The following SYNE3 variants were observed in gnomAD, a reference collection of about 807,000 sequenced individuals.
SYNE3 encodes nesprin-3.
SYNE3 carries 100 observed loss-of-function variants against 111.2 expected under a neutral mutation model. The observed-to-expected ratio is 0.90, with a 90% CI of 0.77 to 1.06. The LOEUF (loss-of-function observed/expected upper bound fraction) is 1.06, where lower values mean the gene tolerates loss of function less well. Ranked by LOEUF, SYNE3 falls within the 50% of genes least tolerant of loss-of-function variation. The pLI, the probability that SYNE3 is intolerant of heterozygous loss-of-function variation, is 0.00. For synonymous variants in SYNE3, 547 were observed against 533.9 expected, an observed-to-expected ratio of 1.02 and a Z score of -0.34; for missense variants, 1,160 against 1,240.3, an observed-to-expected ratio of 0.94 and a Z score of 0.97.
rs529013632 is a variant in SYNE3, at chr14:95,408,987, G to A, written c.*8839C>T. 1 of 369,558 alleles carries A rather than the reference G, an allele frequency of 2.7e-6. No homozygotes were observed. Among genetic ancestry groups the A allele is most frequent in the Admixed American group, 3.3e-5 (1 of 30,144 alleles). The allele number at this position is 369,558 out of a possible 1,614,324, so 22.9% of individuals were successfully genotyped here. ...GTGTTGCCAGCTCCCTTCAGCGGTGGGAGTCAACGGACTTCCCCGCAGGAG... is the reference window on the plus strand; with the variant it reads ...GTGTTGCCAGCTCCCTTCAGCGGTGAGAGTCAACGGACTTCCCCGCAGGAG... On this transcript the variant is annotated 3_prime_UTR_variant, in exon 18 of 18. Transcript: ENST00000682763.
intron 1 of SYNE3, among the ~76,000 whole-genome samples, chr14:95,503,036 T>C (rs17092596): frequency 0.027 from 4,178 of 152,286 alleles, 197 homozygotes; most frequent in African/African-American, 0.095. Context: ...GATGAAGAGT[T>C]ACAAGAGCCC....
chr14:95,462,479 A>T (rs867113146), intron 4 of SYNE3, among the ~76,000 whole-genome samples: 1 of 152,208 alleles, frequency 6.6e-6, no homozygotes, highest in Non-Finnish European at 1.5e-5. Flanking sequence ...ATCAGCATTG[A>T]CCAGCCATCT....
At chr14:95,421,912 C>G (rs1317958563) in intron 17 of SYNE3, among the ~76,000 whole-genome samples, 1 of 152,222 alleles carries the variant, frequency 6.6e-6, no homozygotes, top group Non-Finnish European at 1.5e-5. Context: ...TGACTGATCA[C>G]TCTAATCTCA....
rs182103076 is a variant in SYNE3, at chr14:95,447,414, G to A, written c.1450-1323C>T. 2.1e-3 allele frequency among the ~76,000 whole-genome samples: 314 copies of A among 152,300 alleles called. 3 individuals carry two copies. The highest frequency in any genetic ancestry group is 7.1e-3 in the African/African-American group (296 of 41,558). On this transcript the variant is annotated intron_variant, in intron 8 of 17. Transcript: ENST00000682763. ...GCCTCCCAAAGTGCTGGGATTACAG[G>A]CGTGAGCCACCGTGCCCAGCCAAGA...
chr14:95,425,866 C>T (rs1315831680), intron 17 of SYNE3, among the ~76,000 whole-genome samples: 2 of 152,186 alleles, frequency 1.3e-5, no homozygotes, highest in Admixed American at 6.5e-5. Flanking sequence ...TGAGTGTTAT[C>T]AACACTGACC....
At chr14:95,438,277 G>T (rs1886210773) in intron 14 of SYNE3, 1 of 152,170 alleles carries the variant, frequency 6.6e-6, no homozygotes, top group Non-Finnish European at 1.5e-5. Flanking sequence ...ATGGGGTCTT[G>T]CTATCTTGCC....
rs1386484561 is a variant in SYNE3 at position 95,408,906 on chromosome 14, G to A, written c.*8920C>T. ...GGGCTGGCCTGTCCGTGCTTTTCCA[G>A]TGGGAAGGTAGACAGACAGTGGGTA... On this transcript the variant is annotated 3_prime_UTR_variant, in exon 18 of 18. Coordinates refer to ENST00000682763, the MANE Select transcript of SYNE3 (RefSeq NM_152592.6). 2.9e-6 allele frequency: 1 copy of A among 349,202 alleles called. No homozygotes were observed. Among genetic ancestry groups the A allele is most frequent in the East Asian group, 7.6e-5 (1 of 13,188 alleles). The allele number at this position is 349,202 out of a possible 1,614,324, so 21.6% of individuals were successfully genotyped here.
At chr14:95,463,973 G>T (rs1402031790) in intron 4 of SYNE3, among the ~76,000 whole-genome samples, 1 of 152,236 alleles carries the variant, frequency 6.6e-6, no homozygotes, top group East Asian at 1.9e-4. Context: ...CAACCTGGGT[G>T]CAGGTCAGGT....
At chr14:95,483,403 CCA>C (rs1203293212) in intron 1 of SYNE3, among the ~76,000 whole-genome samples, 1 of 152,162 alleles carries the variant, frequency 6.6e-6, no homozygotes, top group African/African-American at 2.4e-5. Flanking sequence ...TCCTGCCCTG[CCA>C]CACACATTCC....
chr14:95,500,490 G>A lies in SYNE3; in HGVS notation c.-15+16106C>T, dbSNP rs112147636. Among the ~76,000 whole-genome samples, 961 of 152,358 alleles carry A rather than the reference G, an allele frequency of 6.3e-3. 14 individuals carry two copies. The highest frequency in any genetic ancestry group is 0.022 in the African/African-American group (912 of 41,584). ...ACCAGCGGCCGCCCACAGCCAGGCA[G>A]CAGGGAGAAGCTGCCCTCTGGGACT... On this transcript the variant is annotated intron_variant, in intron 1 of 17. Transcript: ENST00000682763. This position sits in a 1 kb window ranked among gnomAD's most constrained non-coding sequence, Gnocchi z 4.7.
At chr14:95,423,028 G>C (rs549498558) in intron 17 of SYNE3, among the ~76,000 whole-genome samples, 2 of 152,318 alleles carry the variant, frequency 1.3e-5, no homozygotes, top group East Asian at 3.9e-4. Context: ...TTCGCTCCCC[G>C]TAAGAACTCA....
At chr14:95,438,724 C>T (rs534808452) in intron 14 of SYNE3, 4 of 269,406 alleles carry the variant, frequency 1.5e-5, no homozygotes, top group Admixed American at 4.6e-5. Context: ...CTTTCAGCCC[C>T]GACACTCTCT....
At chr14:95,448,814 G>A (rs911141264) in intron 8 of SYNE3, among the ~76,000 whole-genome samples, 6 of 152,218 alleles carry the variant, frequency 3.9e-5, no homozygotes, top group African/African-American at 1.4e-4. Flanking sequence ...GGGTGAGCAG[G>A]GGCCAACCCT....
At chr14:95,427,284 C>T (rs1222174410) in intron 17 of SYNE3, among the ~76,000 whole-genome samples, 2 of 152,124 alleles carry the variant, frequency 1.3e-5, no homozygotes, top group Non-Finnish European at 1.5e-5. Flanking sequence ...AGGGGAAACA[C>T]CCGCCACTTA....
intron 1 of SYNE3, among the ~76,000 whole-genome samples, chr14:95,513,241 C>T (rs952010273): frequency 1.3e-5 from 2 of 152,036 alleles, no homozygotes; most frequent in African/African-American, 4.8e-5. Flanking sequence ...TGCTTTTTGT[C>T]GTCATTTTAC....
chr14:95,492,885 A>G (rs921053722), intron 1 of SYNE3, among the ~76,000 whole-genome samples: 2 of 152,198 alleles, frequency 1.3e-5, no homozygotes, highest in Non-Finnish European at 2.9e-5. Flanking sequence ...TACACTTTAA[A>G]TGGGTGAATT....
intron 1 of SYNE3, among the ~76,000 whole-genome samples, chr14:95,515,357 G>T (rs1346282055): frequency 4.6e-5 from 7 of 152,212 alleles, no homozygotes; most frequent in Non-Finnish European, 1.0e-4. Context: ...CAGCTCGTTG[G>T]CACTGATATG....
At chr14:95,453,238 G>T (rs559557832) in intron 6 of SYNE3, among the ~76,000 whole-genome samples, 1 of 152,260 alleles carries the variant, frequency 6.6e-6, no homozygotes, top group Admixed American at 6.5e-5. Context: ...TACAGAGCAG[G>T]GATGCATTAG....
intron 4 of SYNE3, 86 bp downstream of exon 4, chr14:95,465,845 T>C (rs1371186570): frequency 1.4e-6 from 2 of 1,396,152 alleles, no homozygotes; most frequent in African/African-American, 2.9e-5. Flanking sequence ...AGCTTGATAG[T>C]AGGCAAACAG....
Sources: gnomAD v4.1 joint callset for allele counts (sites outside exome capture counted in the v4.1 genomes callset) on GRCh38, gnomAD v4.1.1 for gene constraint, Gnocchi (gnomAD v3.1) non-coding constraint, MANE v1.5 for transcripts, NCBI Gene and HGNC (gene_info 2026-07-23, HGNC 2026-07-21) for gene names.